SPATA16: variants seen among roughly 807,000 people sequenced by gnomAD.
SPATA16 encodes spermatogenesis associated 16, also known as spermatogenesis-associated protein 16.
In SPATA16, 36 loss-of-function variants were observed where a neutral mutation model predicts 63.3. The ratio of observed to expected loss-of-function variants is 0.57; its 90% CI spans 0.44 to 0.75. The LOEUF (loss-of-function observed/expected upper bound fraction) is 0.75. Ranked by LOEUF, SPATA16 falls within the 30% of genes least tolerant of loss-of-function variation. The probability of loss-of-function intolerance (pLI) is 0.00; values close to 1 mark genes in which losing one functional copy is unlikely to be tolerated. For missense variants in SPATA16, 646 were observed against 679.3 expected, an observed-to-expected ratio of 0.95 and a Z score of 0.54; for synonymous variants, 203 against 216.7, an observed-to-expected ratio of 0.94 and a Z score of 0.56.
intron 1 of SPATA16, among the ~76,000 whole-genome samples, chr3:173,138,957 G>A (rs1489760778): frequency 6.6e-6 from 1 of 152,160 alleles, no homozygotes. Context: ...TTTCTAAAAT[G>A]TAAAGCTAAA....
intron 2 of SPATA16, among the ~76,000 whole-genome samples, chr3:173,079,749 A>C (rs1031217088): frequency 6.6e-6 from 1 of 152,198 alleles, no homozygotes; most frequent in Admixed American, 6.6e-5. Flanking sequence ...TTAACATACT[A>C]CAAATCAACA....
chr3:173,017,919 A>G (rs1453890596), intron 4 of SPATA16, among the ~76,000 whole-genome samples: 1 of 152,178 alleles, frequency 6.6e-6, no homozygotes, highest in East Asian at 1.9e-4. Context: ...CATCTCTTAC[A>G]TTCTCTCTCA....
chr3:172,894,584 T>G (rs1453202150), intron 10 of SPATA16, among the ~76,000 whole-genome samples: 1 of 151,968 alleles, frequency 6.6e-6, no homozygotes, highest in Non-Finnish European at 1.5e-5. Context: ...GTTAGAAAAC[T>G]ATTATGAAAT....
intron 3 of SPATA16, among the ~76,000 whole-genome samples, chr3:173,029,406 G>GTTTTTTTTTTTTTTTTTTTTTT (rs57233262): frequency 7.2e-6 from 1 of 139,848 alleles, no homozygotes; most frequent in African/African-American, 2.8e-5. Context: ...AGTAATCAGA[G>GTTTTTTTTTTTTTTTTTTTTTT]TTTTTTTTTT....
intron 5 of SPATA16, among the ~76,000 whole-genome samples, chr3:172,960,948 C>A (rs536062621): frequency 7.7e-6 from 1 of 130,346 alleles, no homozygotes; most frequent in Non-Finnish European, 1.6e-5. Flanking sequence ...TCTCTCTTCC[C>A]CCCTCCCTCT....
At chr3:172,955,831 C>T (rs886492789) in intron 6 of SPATA16, among the ~76,000 whole-genome samples, 1 of 152,074 alleles carries the variant, frequency 6.6e-6, no homozygotes, top group Non-Finnish European at 1.5e-5. Flanking sequence ...TGGGAAGCAC[C>T]TTACCTCATT....
At chr3:172,924,112 C>T in intron 8 of SPATA16, 96 bp downstream of exon 8, 1 of 1,024,280 alleles carries the variant, frequency 9.8e-7, no homozygotes, top group Non-Finnish European at 1.5e-6. Context: ...TCCAAAATCC[C>T]CTAACACTTG....
intron 4 of SPATA16, among the ~76,000 whole-genome samples, chr3:172,982,347 G>C (rs566972017): frequency 5.3e-5 from 8 of 152,276 alleles, no homozygotes; most frequent in African/African-American, 1.7e-4. Flanking sequence ...TCATATGAGA[G>C]CTTAATGAAT....
At chr3:172,946,106 C>G (rs1733278493) in intron 6 of SPATA16, among the ~76,000 whole-genome samples, 1 of 152,156 alleles carries the variant, frequency 6.6e-6, no homozygotes, top group Non-Finnish European at 1.5e-5. Context: ...ACAACCTGAG[C>G]TGGAAGGGAA....
At chr3:173,061,818 A>C (rs1484063157) in intron 2 of SPATA16, among the ~76,000 whole-genome samples, 4 of 152,204 alleles carry the variant, frequency 2.6e-5, no homozygotes, top group African/African-American at 7.2e-5. Context: ...TGGGAGCGAC[A>C]GAATATGTAG....
intron 5 of SPATA16, 28 bp downstream of exon 5, chr3:172,976,940 C>T: frequency 6.3e-7 from 1 of 1,590,104 alleles, no homozygotes; most frequent in South Asian, 1.1e-5. Flanking sequence ...ATGGGTTTCT[C>T]CTCCCTAGTT....
chr3:172,956,528 C>G lies in SPATA16; in HGVS notation c.1081+149G>C, dbSNP rs925606911. The stretch of plus-strand genomic sequence containing the variant: ...ACTATAAGGCTATCCTTATTTAAAA[C>G]CTTAAAAATTTCTTTCCGTTTCAAG... On this transcript the variant is annotated intron_variant, in intron 6 of 10. Transcript: ENST00000351008. The G allele has an allele frequency of 9.3e-6, 7 of 752,450 alleles. No individual in the cohort carries two copies. The East Asian group carries it at 1.9e-4, about 20-fold the overall frequency. 46.6% of individuals were successfully genotyped at this position (752,450 alleles called of 1,614,324 possible). A position where few individuals can be genotyped will look rare whatever the true frequency, so the allele number is the denominator to read the frequency against.
intron 4 of SPATA16, among the ~76,000 whole-genome samples, chr3:172,998,733 T>G (rs945019627): frequency 2.0e-5 from 3 of 152,176 alleles, no homozygotes; most frequent in African/African-American, 4.8e-5. Context: ...ATTCCTAGTT[T>G]GCTGAGAATT....
At chr3:172,907,587 T>C (rs1462280820) in intron 10 of SPATA16, among the ~76,000 whole-genome samples, 1 of 151,734 alleles carries the variant, frequency 6.6e-6, no homozygotes, top group African/African-American at 2.4e-5. Context: ...TTTTTGTTTT[T>C]TTTTTGAGAC....
chr3:173,056,594 C>T (rs1489735809), intron 2 of SPATA16, among the ~76,000 whole-genome samples: 1 of 149,932 alleles, frequency 6.7e-6, no homozygotes, highest in Non-Finnish European at 1.5e-5. Flanking sequence ...ACCCCAACTA[C>T]TAGGGAGGCT....
At chr3:173,116,451 C>T (rs1006730850) in intron 2 of SPATA16, among the ~76,000 whole-genome samples, 1 of 152,176 alleles carries the variant, frequency 6.6e-6, no homozygotes, top group Non-Finnish European at 1.5e-5. Context: ...GTATAATTTT[C>T]CTACTACCTA....
intron 6 of SPATA16, among the ~76,000 whole-genome samples, chr3:172,935,087 A>G (rs1499633): frequency 0.5 from 75,438 of 152,080 alleles, 21,757 homozygotes; most frequent in South Asian, 0.68. Flanking sequence ...AGAAAATCCA[A>G]GAGGATAAAC....
intron 6 of SPATA16, among the ~76,000 whole-genome samples, chr3:172,951,288 G>A (rs940258792): frequency 4.6e-5 from 7 of 151,900 alleles, no homozygotes; most frequent in Non-Finnish European, 2.9e-5. Flanking sequence ...TTATATTCCT[G>A]AAACAGAAAA....
intron 3 of SPATA16, among the ~76,000 whole-genome samples, chr3:173,028,559 G>A (rs1735523681): frequency 6.6e-6 from 1 of 151,820 alleles, no homozygotes; most frequent in Non-Finnish European, 1.5e-5. Context: ...GATGACGTAA[G>A]CAAAATTTAA....
Sources: gnomAD v4.1 joint callset for allele counts (sites outside exome capture counted in the v4.1 genomes callset) on GRCh38, gnomAD v4.1.1 for gene constraint, MANE v1.5 for transcripts, NCBI Gene and HGNC (gene_info 2026-07-23, HGNC 2026-07-21) for gene names.